CIITA: variants seen among roughly 807,000 people sequenced by gnomAD.
CIITA encodes class II major histocompatibility complex transactivator.
Under a neutral mutation model 115.1 loss-of-function variants are expected in CIITA, and 72 were observed. That is an observed-to-expected ratio of 0.63 (90% CI 0.52 to 0.76). The LOEUF (loss-of-function observed/expected upper bound fraction) is 0.76. Ranked by LOEUF, CIITA falls within the 30% of genes least tolerant of loss-of-function variation. The pLI is 0.00. For synonymous variants in CIITA, 763 were observed against 635.6 expected, an observed-to-expected ratio of 1.20 and a Z score of -3.02; for missense variants, 1,617 against 1,463.8, an observed-to-expected ratio of 1.10 and a Z score of -1.71.
In CIITA at chr16:10,929,481, C is replaced by T. The variant is rs1469416769; in HGVS notation, c.*5626C>T. ...CAGGTGCCTTCCCAACCTCAGCACT[C>T]AGTCCCAATCTCTCTTCCACTCTCC... is the stretch of plus-strand genomic sequence containing the variant. On this transcript the variant is annotated 3_prime_UTR_variant, in exon 20 of 20. Coordinates refer to ENST00000324288, the MANE Select transcript of CIITA (RefSeq NM_000246.4). This position sits in a 1 kb window ranked among gnomAD's most constrained non-coding sequence, Gnocchi z 4.3. 8.1e-6 allele frequency: 8 copies of T among 985,650 alleles called. No individual in the cohort carries two copies. Among genetic ancestry groups the T allele is most frequent in the Non-Finnish European group, 9.6e-6 (8 of 829,980 alleles). 61.1% of individuals were successfully genotyped at this position (985,650 alleles called of 1,614,324 possible). A position where few individuals can be genotyped will look rare whatever the true frequency, so the allele number is the denominator to read the frequency against.
At chr16:10,877,104 G>C, upstream of CIITA, 1 of 615,694 alleles carries the variant, frequency 1.6e-6, no homozygotes, top group South Asian at 1.9e-5. Context: ...AAATCTGACC[G>C]CTTGGGGCCA....
intron 16 of CIITA, 95 bp from the exon 17 acceptor site, chr16:10,922,072 G>T: frequency 1.8e-6 from 2 of 1,111,802 alleles, no homozygotes; most frequent in Non-Finnish European, 2.8e-6. Context: ...GGGATAGTGG[G>T]ACCAGGCTTT....
intron 5 of CIITA, among the ~76,000 whole-genome samples, chr16:10,899,549 G>A (rs373758424): frequency 6.6e-6 from 1 of 152,184 alleles, no homozygotes; most frequent in East Asian, 1.9e-4. Flanking sequence ...CTCTCCCACT[G>A]TGAGGACAGG....
At chr16:10,873,663 T>C (rs946380908), upstream of CIITA, among the ~76,000 whole-genome samples, 3 of 152,114 alleles carry the variant, frequency 2.0e-5, no homozygotes, top group African/African-American at 7.2e-5. Context: ...ACCGGCAATT[T>C]TTCCAGAACA....
intron 7 of CIITA, 36 bp from the exon 8 acceptor site, chr16:10,902,622 T>C: frequency 6.2e-7 from 1 of 1,614,154 alleles, no homozygotes; most frequent in African/African-American, 1.3e-5. Context: ...ACAGGTGCTA[T>C]GCAAGATCCC....
Position 10,901,998 on chromosome 16 carries a change from T to A in CIITA, c.482-40T>A, listed in dbSNP as rs759387120. On this transcript the variant is annotated intron_variant, in intron 6 of 19. Coordinates refer to ENST00000324288, the MANE Select transcript of CIITA (RefSeq NM_000246.4). The surrounding 1 kb of genome is among the most constrained non-coding windows in gnomAD (Gnocchi z 6.8). ...GCCCTCCCCATCCCAGGAAGGCCCC[T>A]CCAAGCACCCAGTCTCTAACACAGC... The A allele has an allele frequency of 5.0e-6, 8 of 1,612,616 alleles. No homozygotes were observed. The highest frequency in any genetic ancestry group is 4.4e-5 in the South Asian group (4 of 91,038).
At chr16:10,870,819 T>C (rs2035432971) in intron 1 of CIITA, among the ~76,000 whole-genome samples, 1 of 152,234 alleles carries the variant, frequency 6.6e-6, no homozygotes, top group Non-Finnish European at 1.5e-5. Flanking sequence ...TAGGTCGCAC[T>C]GTATAAATAT....
chr16:10,898,806 T>C, intron 4 of CIITA, 74 bp downstream of exon 4: 1 of 1,601,716 alleles, frequency 6.2e-7, no homozygotes, highest in Non-Finnish European at 8.6e-7. Flanking sequence ...GGTGCCCTAA[T>C]ACCTGACGAC....
At chr16:10,869,308 T>C (rs756704347) in intron 1 of CIITA, among the ~76,000 whole-genome samples, 45 of 152,346 alleles carry the variant, frequency 3.0e-4, no homozygotes, top group Non-Finnish European at 5.9e-4. Flanking sequence ...TCGCTGTTCC[T>C]TAGACACGCT....
At position 10,920,780 on chromosome 16, in the gene CIITA, C is replaced by T. The variant is rs1454541039; in HGVS notation, c.3150-1387C>T. On this transcript the variant is annotated intron_variant, in intron 16 of 19. Transcript: ENST00000324288. This position sits in a 1 kb window ranked among gnomAD's most constrained non-coding sequence, Gnocchi z 4.5. ...TCCAGGGTTCAGAGATTGCAAAACC[C>T]CCATCTAGTTTCTGCACTGGTACCG... is the stretch of plus-strand genomic sequence containing the variant. Among the ~76,000 whole-genome samples the T allele has an allele frequency of 2.6e-5, 4 of 152,202 alleles. No homozygotes were observed. Among genetic ancestry groups the T allele is most frequent in the Non-Finnish European group, 5.9e-5 (4 of 68,024 alleles).
Position 10,933,190 on chromosome 16 carries a change from G to A in CIITA, c.*9335G>A, listed in dbSNP as rs2040872631. 6.6e-6 allele frequency: 1 copy of A among 152,302 alleles called. No individual in the cohort carries two copies. The highest frequency in any genetic ancestry group is 1.5e-5 in the Non-Finnish European group (1 of 68,170). 9.4% of individuals were successfully genotyped at this position (152,302 alleles called of 1,614,324 possible). ...CCTTTCATTCCAGCCATTCCCCAGA[G>A]CTGGACAGAGGACGTGGCTGGCTGG... On this transcript the variant is annotated 3_prime_UTR_variant, in exon 20 of 20. Coordinates refer to ENST00000324288, the MANE Select transcript of CIITA (RefSeq NM_000246.4).
intron 16 of CIITA, 67 bp downstream of exon 16, chr16:10,918,593 T>C: frequency 2.9e-6 from 4 of 1,396,330 alleles, no homozygotes; most frequent in Non-Finnish European, 4.0e-6. Flanking sequence ...GGAACCCACA[T>C]CGTGCTGGCT....
chr16:10,875,186 T>C (rs1385154617), upstream of CIITA, among the ~76,000 whole-genome samples: 1 of 152,090 alleles, frequency 6.6e-6, no homozygotes, highest in Admixed American at 6.6e-5. Context: ...CTTCAACTCC[T>C]GACCTCAAAT....
chr16:10,894,224 C>T (rs1343909851), intron 1 of CIITA, among the ~76,000 whole-genome samples: 1 of 152,072 alleles, frequency 6.6e-6, no homozygotes, highest in Non-Finnish European at 1.5e-5. Flanking sequence ...CAATATGTGA[C>T]CCTTTGTGTC....
chr16:10,896,569 C>G (rs1022179345), intron 3 of CIITA, among the ~76,000 whole-genome samples: 7 of 152,262 alleles, frequency 4.6e-5, no homozygotes, highest in Non-Finnish European at 7.4e-5. Context: ...GCATCACCAC[C>G]ACCTCATACA....
intron 1 of CIITA, among the ~76,000 whole-genome samples, chr16:10,869,145 G>A (rs2035299001): frequency 6.6e-6 from 1 of 152,196 alleles, no homozygotes; most frequent in South Asian, 2.1e-4. Flanking sequence ...TTGGCCCTCT[G>A]CTGTGCTAAA....
intron 5 of CIITA, among the ~76,000 whole-genome samples, chr16:10,899,900 T>G (rs1260841273): frequency 6.6e-6 from 1 of 152,112 alleles, no homozygotes; most frequent in African/African-American, 2.4e-5. Flanking sequence ...GCCAACATGG[T>G]GAAACCGCGT....
chr16:10,902,277 C>T (rs1230587122), intron 7 of CIITA, 93 bp downstream of exon 7: 12 of 1,529,714 alleles, frequency 7.8e-6, no homozygotes, highest in Non-Finnish European at 1.1e-5. Context: ...GGAACTGGAC[C>T]TCACCTCTCC....
intron 15 of CIITA, chr16:10,916,881 A>T: frequency 2.8e-6 from 1 of 354,602 alleles, no homozygotes; most frequent in Non-Finnish European, 5.3e-6. Flanking sequence ...TACTATGTGC[A>T]GGCACCTTTC....
Sources: allele counts gnomAD v4.1 joint callset (sites outside exome capture counted in the v4.1 genomes callset), GRCh38; gene constraint gnomAD v4.1.1; non-coding constraint Gnocchi (gnomAD v3.1); transcripts MANE v1.5; gene names NCBI Gene and HGNC (gene_info 2026-07-23, HGNC 2026-07-21).